The following PLCG2 variants were observed in gnomAD, a reference collection of about 807,000 sequenced individuals.
The protein encoded by PLCG2 is phospholipase C gamma 2.
Under a neutral mutation model 175.6 loss-of-function variants are expected in PLCG2, and 69 were observed. The ratio of observed to expected loss-of-function variants is 0.39; its 90% CI spans 0.32 to 0.48. The LOEUF (loss-of-function observed/expected upper bound fraction) is 0.48, where lower values mean the gene tolerates loss of function less well. Ranked by LOEUF, PLCG2 falls within the 20% of genes least tolerant of loss-of-function variation. The probability of loss-of-function intolerance (pLI) is 0.91; values close to 1 mark genes in which losing one functional copy is unlikely to be tolerated. For synonymous variants in PLCG2, 827 were observed against 624.0 expected (o/e 1.33, Z -4.85); for missense variants, 1,798 against 1,650.9 (o/e 1.09, Z -1.54).
rs143226295 is a variant in PLCG2, at chr16:81,878,891, C to T, written c.649-2019C>T. On this transcript the variant is annotated intron_variant, in intron 7 of 32. Transcript: ENST00000564138. ...TTCATTCTCTGTCCTGCTCTGCGTC[C>T]CAGGGGCCAATTCCTGCAAACACGT... 9.1e-3 allele frequency among the ~76,000 whole-genome samples: 1,389 copies of T among 152,180 alleles called. 12 individuals are homozygous for T. The highest frequency in any genetic ancestry group is 0.044 in the Middle Eastern group (13 of 294).
At chr16:81,946,385 T>A in intron 31 of PLCG2, 122 bp downstream of exon 31, 2 of 705,430 alleles carry the variant, frequency 2.8e-6, no homozygotes, top group Non-Finnish European at 5.2e-6. Flanking sequence ...AGCCCAAGCA[T>A]GAGACATCAT....
At chr16:81,924,866 T>A (rs1910199642) in intron 22 of PLCG2, among the ~76,000 whole-genome samples, 1 of 152,246 alleles carries the variant, frequency 6.6e-6, no homozygotes, top group Non-Finnish European at 1.5e-5. Flanking sequence ...CACAGTGTTG[T>A]CCGTCTGCTT....
chr16:81,861,495 A>G (rs950710100), intron 5 of PLCG2, among the ~76,000 whole-genome samples: 15 of 152,168 alleles, frequency 9.9e-5, no homozygotes, highest in Non-Finnish European at 1.3e-4. Context: ...AGCTCACTCC[A>G]TGTTTTTCTG....
intron 5 of PLCG2, 171 bp downstream of exon 5, chr16:81,859,334 C>T (rs1162441574): frequency 3.5e-6 from 2 of 563,758 alleles, no homozygotes; most frequent in Non-Finnish European, 6.4e-6. Context: ...CAAAATCCTC[C>T]TCCTGGAGGG....
chr16:81,781,958 G>A lies in PLCG2; in HGVS notation c.-48+2534G>A, dbSNP rs188878986. 3.0e-4 allele frequency among the ~76,000 whole-genome samples: 45 copies of A among 148,984 alleles called. No homozygotes were observed. In the East Asian group the frequency reaches 6.2e-3, roughly 21 times the overall value. Reference sequence around the variant, plus strand: ...GCGATCTCGGCTCACTGCAAGCTCCGCCTCCCGGGTTCACGCCTTTCTCCT... The same window carrying A: ...GCGATCTCGGCTCACTGCAAGCTCCACCTCCCGGGTTCACGCCTTTCTCCT... On this transcript the variant is annotated intron_variant, in intron 1 of 32. Coordinates refer to ENST00000564138, the MANE Select transcript of PLCG2 (RefSeq NM_002661.5).
At position 81,961,325 on chromosome 16, in the gene PLCG2, T is replaced by C. The variant is rs936599403; in HGVS notation, c.*3327T>C. The C allele has an allele frequency of 2.2e-5, 5 of 225,176 alleles. No individual in the cohort carries two copies. The Admixed American group carries it at 2.9e-4, about 13-fold the overall frequency. The allele number at this position is 225,176 out of a possible 1,614,324, so 13.9% of individuals were successfully genotyped here. A position where few individuals can be genotyped will look rare whatever the true frequency, so the allele number is the denominator to read the frequency against. ...GCTCAATCTTAAGATGTTATCAATC[T>C]ACATAGATGAAATAATTGTGGAGAA... On this transcript the variant is annotated 3_prime_UTR_variant, in exon 33 of 33. Transcript: ENST00000564138.
chr16:81,852,926 T>C (rs72832078), intron 2 of PLCG2, among the ~76,000 whole-genome samples: 51,918 of 151,942 alleles, frequency 0.34, 9,427 homozygotes, highest in East Asian at 0.57. Flanking sequence ...GGCCTCTCCA[T>C]AGGGCTAACT....
intron 6 of PLCG2, 37 bp downstream of exon 6, chr16:81,869,335 G>C (rs199650798): frequency 1.4e-6 from 2 of 1,429,526 alleles, no homozygotes; most frequent in Non-Finnish European, 2.0e-6. Flanking sequence ...TTTTATGAAT[G>C]CGGAGTGACT....
chr16:81,854,368 G>C, intron 2 of PLCG2, 76 bp from the exon 3 acceptor site: 1 of 1,354,140 alleles, frequency 7.4e-7, no homozygotes, highest in Non-Finnish European at 1.1e-6. Flanking sequence ...GCTGTGCCTG[G>C]GCTGCAGTTG....
chr16:81,933,535 G>C (rs779746963), intron 25 of PLCG2, among the ~76,000 whole-genome samples: 1 of 151,602 alleles, frequency 6.6e-6, no homozygotes, highest in Non-Finnish European at 1.5e-5. Flanking sequence ...CTTGAGGGGT[G>C]ACAGCTGCAG....
At chr16:81,785,792 G>T in intron 1 of PLCG2, 151 bp from the exon 2 acceptor site, 1 of 562,408 alleles carries the variant, frequency 1.8e-6, no homozygotes, top group Non-Finnish European at 3.2e-6. Flanking sequence ...TTAGCTCTCT[G>T]AGTGGCCAGC....
intron 2 of PLCG2, among the ~76,000 whole-genome samples, chr16:81,804,109 C>G (rs560361910): frequency 1.3e-5 from 2 of 152,216 alleles, no homozygotes; most frequent in Admixed American, 6.5e-5. Flanking sequence ...ACTGTTTAAT[C>G]ACTTAAGGAA....
chr16:81,796,275 C>G (rs1036890507), intron 2 of PLCG2, among the ~76,000 whole-genome samples: 15 of 152,270 alleles, frequency 9.9e-5, no homozygotes, highest in Admixed American at 9.2e-4. Flanking sequence ...GTCTCCAAAC[C>G]TTGGCTTTTT....
chr16:81,849,013 T>C (rs988151356), intron 2 of PLCG2, among the ~76,000 whole-genome samples: 1 of 151,980 alleles, frequency 6.6e-6, no homozygotes, highest in African/African-American at 2.4e-5. Context: ...TGTCCTATGG[T>C]AGGAATGAGT....
intron 9 of PLCG2, among the ~76,000 whole-genome samples, chr16:81,885,249 C>G (rs966137223): frequency 6.6e-6 from 1 of 152,110 alleles, no homozygotes; most frequent in East Asian, 1.9e-4. Flanking sequence ...GTCTTGAACT[C>G]CTGGCCTCAG....
intron 5 of PLCG2, among the ~76,000 whole-genome samples, chr16:81,860,588 T>C (rs1407422476): frequency 6.6e-6 from 1 of 152,190 alleles, no homozygotes; most frequent in Non-Finnish European, 1.5e-5. Flanking sequence ...TGTTTTTGCT[T>C]AAACTTGCTT....
intron 2 of PLCG2, among the ~76,000 whole-genome samples, chr16:81,794,303 A>T (rs1911368181): frequency 6.6e-6 from 1 of 152,176 alleles, no homozygotes; most frequent in African/African-American, 2.4e-5. Context: ...GAAAGTTATT[A>T]TTTTATCAAA....
intron 2 of PLCG2, among the ~76,000 whole-genome samples, chr16:81,771,350 C>G (rs191523284): frequency 6.6e-6 from 1 of 152,166 alleles, no homozygotes. Flanking sequence ...ATCTCAGCCT[C>G]CCAAGTAGCC....
chr16:81,933,568 T>A (rs1018803255), intron 25 of PLCG2, among the ~76,000 whole-genome samples: 17 of 150,022 alleles, frequency 1.1e-4, no homozygotes, highest in African/African-American at 3.9e-4. Context: ...ATTGTCATGC[T>A]GTTTTTTGTT....
Sources: gnomAD v4.1 joint callset for allele counts (sites outside exome capture counted in the v4.1 genomes callset) on GRCh38, gnomAD v4.1.1 for gene constraint, MANE v1.5 for transcripts, NCBI Gene and HGNC (gene_info 2026-07-23, HGNC 2026-07-21) for gene names.